Variants in B3GALT1 observed in about 807,000 individuals in gnomAD.
B3GALT1 encodes beta-1,3-galactosyltransferase 1, also known as UDP-Gal:betaGlcNAc beta 1,3-galactosyltransferase, polypeptide 1.
B3GALT1 carries 10 observed loss-of-function variants against 23.2 expected under a neutral mutation model. The ratio of observed to expected loss-of-function variants is 0.43; its 90% CI spans 0.27 to 0.73. B3GALT1 has a LOEUF of 0.73. Among genes scored for constraint, B3GALT1 ranks in the 30% least tolerant of loss-of-function variants. The pLI is 0.21. For synonymous variants in B3GALT1, 156 were observed against 141.5 expected (o/e 1.10, Z -0.73); for missense variants, 299 against 405.4 (o/e 0.74, Z 2.25).
chr2:167,714,234 G>A, intron 3 of B3GALT1: 2 of 1,502,772 alleles, frequency 1.3e-6, no homozygotes, highest in Admixed American at 1.7e-5. Context: ...GGATATGATT[G>A]TCCTGGTGGA....
chr2:167,446,162 T>A (rs1408927636), intron 1 of B3GALT1, among the ~76,000 whole-genome samples: 1 of 152,210 alleles, frequency 6.6e-6, no homozygotes, highest in Non-Finnish European at 1.5e-5. Context: ...GGTTGAAAAT[T>A]CTTTTCTTTA....
At chr2:167,481,839 T>C (rs1017916245) in intron 1 of B3GALT1, among the ~76,000 whole-genome samples, 9 of 152,350 alleles carry the variant, frequency 5.9e-5, no homozygotes, top group African/African-American at 2.2e-4. Context: ...GAGAGCACTC[T>C]GTTACATGCC....
intron 1 of B3GALT1, among the ~76,000 whole-genome samples, chr2:167,407,653 G>A (rs974625716): frequency 3.3e-5 from 5 of 151,688 alleles, no homozygotes; most frequent in South Asian, 2.1e-4. Flanking sequence ...AAAAGGAGAC[G>A]TAACAACTGA....
At chr2:167,563,501 C>T (rs1574139997) in intron 2 of B3GALT1, among the ~76,000 whole-genome samples, 1 of 60,426 alleles carries the variant, frequency 1.7e-5, no homozygotes, top group South Asian at 8.3e-4. Flanking sequence ...AGAGGCGCCC[C>T]TCACCTCCCG....
intron 4 of B3GALT1, among the ~76,000 whole-genome samples, chr2:167,839,710 C>T (rs1265537855): frequency 3.9e-5 from 6 of 152,254 alleles, no homozygotes; most frequent in East Asian, 1.9e-4. Context: ...AAAAAGAGCC[C>T]GCCTTGTCAA....
chr2:167,798,736 T>C (rs1688583634), intron 3 of B3GALT1, among the ~76,000 whole-genome samples: 1 of 152,226 alleles, frequency 6.6e-6, no homozygotes, highest in African/African-American at 2.4e-5. Context: ...AACTTTGTTC[T>C]TTTTGCTTAG....
chr2:167,553,300 C>A lies in B3GALT1; in HGVS notation c.-410+63023C>A, dbSNP rs572141097. On this transcript the variant is annotated intron_variant, in intron 2 of 4. Transcript: ENST00000392690. The stretch of plus-strand genomic sequence containing the variant: ...TAATAACAATGTTTATCTGACATAG[C>A]CAAATTGACTCTGATGTAATAAAAC... Among the ~76,000 whole-genome samples, 4 of 152,180 alleles carry A rather than the reference C, an allele frequency of 2.6e-5. No individual in the cohort carries two copies. In the South Asian group the frequency reaches 8.3e-4, roughly 32 times the overall value.
chr2:167,392,917 G>A (rs986803948), intron 1 of B3GALT1, among the ~76,000 whole-genome samples: 1 of 152,098 alleles, frequency 6.6e-6, no homozygotes, highest in Non-Finnish European at 1.5e-5. Flanking sequence ...AAAGCCGTAC[G>A]TTTCTGGGCT....
At chr2:167,500,404 C>T (rs1270617520) in intron 2 of B3GALT1, among the ~76,000 whole-genome samples, 1 of 152,140 alleles carries the variant, frequency 6.6e-6, no homozygotes, top group Non-Finnish European at 1.5e-5. Context: ...TATATCACCA[C>T]TTTAAATGAT....
At chr2:167,541,206 G>A (rs564850724) in intron 2 of B3GALT1, among the ~76,000 whole-genome samples, 4 of 152,014 alleles carry the variant, frequency 2.6e-5, no homozygotes, top group Admixed American at 6.6e-5. Context: ...TGATTTTACC[G>A]ATCATATGAT....
chr2:167,620,468 T>C (rs990616589), intron 2 of B3GALT1, among the ~76,000 whole-genome samples: 5 of 152,164 alleles, frequency 3.3e-5, no homozygotes, highest in African/African-American at 1.2e-4. Context: ...TTAGTGGTTT[T>C]AAGCAGAGGC....
intron 2 of B3GALT1, among the ~76,000 whole-genome samples, chr2:167,514,345 G>A (rs1334900819): frequency 6.6e-6 from 1 of 152,164 alleles, no homozygotes; most frequent in Non-Finnish European, 1.5e-5. Flanking sequence ...AACTGAATAA[G>A]CAAAATCATT....
chr2:167,352,735 AC>A, intron 1 of B3GALT1, among the ~76,000 whole-genome samples: 4 of 6,124 alleles, frequency 6.5e-4, no homozygotes, highest in African/African-American at 8.7e-4. Context: ...AGAAAAAAAA[AC>A]AAACAAACTG....
chr2:167,694,448 C>G (rs1314072791), intron 3 of B3GALT1, among the ~76,000 whole-genome samples: 11 of 151,436 alleles, frequency 7.3e-5, no homozygotes, highest in Admixed American at 3.3e-4. Context: ...GTTAACTTAA[C>G]TATGTAAACA....
At chr2:167,695,050 T>G (rs1686771691) in intron 3 of B3GALT1, among the ~76,000 whole-genome samples, 1 of 152,166 alleles carries the variant, frequency 6.6e-6, no homozygotes, top group African/African-American at 2.4e-5. Context: ...CTTCTCTACC[T>G]TATCACTCCT....
intron 3 of B3GALT1, among the ~76,000 whole-genome samples, chr2:167,704,555 A>C (rs1267939089): frequency 1.3e-5 from 2 of 152,158 alleles, no homozygotes; most frequent in Non-Finnish European, 2.9e-5. Context: ...AAAACTAGGA[A>C]TGCCTCATTT....
intron 4 of B3GALT1, among the ~76,000 whole-genome samples, chr2:167,837,963 G>A (rs1394792242): frequency 6.6e-6 from 1 of 152,110 alleles, no homozygotes; most frequent in Non-Finnish European, 1.5e-5. Flanking sequence ...ACATAAAGAT[G>A]TTCTTTGAAA....
intron 1 of B3GALT1, among the ~76,000 whole-genome samples, chr2:167,360,006 A>G (rs1430325752): frequency 1.3e-5 from 2 of 152,170 alleles, no homozygotes; most frequent in African/African-American, 4.8e-5. Flanking sequence ...GACATTCTCC[A>G]TGTACCATGT....
At chr2:167,561,822 C>T (rs878892469) in intron 2 of B3GALT1, among the ~76,000 whole-genome samples, 3 of 152,168 alleles carry the variant, frequency 2.0e-5, no homozygotes, top group Admixed American at 6.5e-5. Flanking sequence ...CAACAGCTTA[C>T]CAACCAAGAA....
Sources: allele counts gnomAD v4.1 joint callset (sites outside exome capture counted in the v4.1 genomes callset), GRCh38; gene constraint gnomAD v4.1.1; transcripts MANE v1.5; gene names NCBI Gene and HGNC (gene_info 2026-07-23, HGNC 2026-07-21).